Variants in SLC24A2 observed in about 807,000 individuals in gnomAD.
SLC24A2 encodes sodium/potassium/calcium exchanger 2.
SLC24A2 carries 36 observed loss-of-function variants against 62.0 expected under a neutral mutation model. That is an observed-to-expected ratio of 0.58 (90% CI 0.44 to 0.77). The LOEUF (loss-of-function observed/expected upper bound fraction) is 0.77, where lower values mean the gene tolerates loss of function less well. SLC24A2 is among the 30% of genes least tolerant of loss of function. The probability of loss-of-function intolerance (pLI) is 0.00; values close to 1 mark genes in which losing one functional copy is unlikely to be tolerated. For synonymous variants in SLC24A2, 358 were observed against 294.0 expected (o/e 1.22, Z -2.23); for missense variants, 846 against 817.9 (o/e 1.03, Z -0.42).
At position 19,697,543 on chromosome 9, in the gene SLC24A2, T is replaced by C. The variant is rs1004141788; in HGVS notation, c.931-75244A>G. 5.3e-5 allele frequency among the ~76,000 whole-genome samples: 8 copies of C among 152,232 alleles called. No homozygotes were observed. The South Asian group carries it at 1.0e-3, about 20-fold the overall frequency. ...CATAAAAAGTATCTGTTCTTTTTAATTGCATAAATAAGTGATACAAAAAAA... is the reference window on the plus strand; with the variant it reads ...CATAAAAAGTATCTGTTCTTTTTAACTGCATAAATAAGTGATACAAAAAAA... On this transcript the variant is annotated intron_variant, in intron 2 of 10. Coordinates refer to ENST00000341998, the MANE Select transcript of SLC24A2 (RefSeq NM_020344.4).
chr9:19,998,220 T>C, the SLC24A2 span, among the ~76,000 whole-genome samples: 1 of 152,082 alleles, frequency 6.6e-6, no homozygotes. Context: ...AGGGCTAGGA[T>C]TCAAACTCTG....
intron 2 of SLC24A2, among the ~76,000 whole-genome samples, chr9:19,731,937 A>C (rs987982576): frequency 6.6e-6 from 1 of 152,202 alleles, no homozygotes; most frequent in Non-Finnish European, 1.5e-5. Flanking sequence ...AGCAAATATT[A>C]TCTCTTTTGT....
the SLC24A2 span, among the ~76,000 whole-genome samples, chr9:20,281,824 G>A: frequency 1.3e-5 from 2 of 152,100 alleles, no homozygotes; most frequent in African/African-American, 4.8e-5. Flanking sequence ...AGAATAATCT[G>A]GGGAAAATTG....
chr9:20,307,289 G>A, the SLC24A2 span, among the ~76,000 whole-genome samples: 2 of 152,206 alleles, frequency 1.3e-5, no homozygotes, highest in South Asian at 4.1e-4. Flanking sequence ...TGAAGTGTTT[G>A]AGATATAGTA....
the SLC24A2 span, among the ~76,000 whole-genome samples, chr9:20,105,963 A>C: frequency 1.3e-5 from 2 of 152,248 alleles, no homozygotes; most frequent in African/African-American, 4.8e-5. Context: ...AGACTAATAA[A>C]GAAGAAAAGA....
chr9:19,945,342 A>T, the SLC24A2 span, among the ~76,000 whole-genome samples: 2 of 152,122 alleles, frequency 1.3e-5, no homozygotes, highest in African/African-American at 2.4e-5. Context: ...GAGAGAGAAC[A>T]TAAAAGATTG....
intron 2 of SLC24A2, among the ~76,000 whole-genome samples, chr9:19,675,536 T>C (rs1432695773): frequency 1.3e-5 from 2 of 152,114 alleles, no homozygotes; most frequent in Non-Finnish European, 2.9e-5. Context: ...TGCTGTGCTG[T>C]TGCAGAGGAT....
the SLC24A2 span, among the ~76,000 whole-genome samples, chr9:20,229,348 T>G: frequency 6.6e-6 from 1 of 152,166 alleles, no homozygotes; most frequent in Non-Finnish European, 1.5e-5. Context: ...GGTATGAATA[T>G]CTACCTCATC....
At position 19,690,949 on chromosome 9, in the gene SLC24A2, CAGAG is replaced by C. The variant is rs559695213; in HGVS notation, c.931-68654_931-68651del. Among the ~76,000 whole-genome samples, 290 of 150,896 alleles carry C rather than the reference CAGAG, an allele frequency of 1.9e-3. 2 individuals are homozygous for C. The highest frequency in any genetic ancestry group is 6.9e-3 in the African/African-American group (286 of 41,272). On this transcript the variant is annotated intron_variant, in intron 2 of 10. Transcript: ENST00000341998. ...AGAGAGAGAGAGACAGAGAGAGAGA[CAGAG>C]AGAGAATGTGTATTGGCAAAAGAAA...
chr9:19,909,644 T>C, the SLC24A2 span, among the ~76,000 whole-genome samples: 1 of 152,164 alleles, frequency 6.6e-6, no homozygotes, highest in African/African-American at 2.4e-5. Context: ...AACTCATCTC[T>C]ATGTTGACTT....
At chr9:19,761,061 T>TA (rs1230804859) in intron 2 of SLC24A2, among the ~76,000 whole-genome samples, 2 of 152,098 alleles carry the variant, frequency 1.3e-5, no homozygotes, top group African/African-American at 2.4e-5. Flanking sequence ...TAAAGTATAA[T>TA]AAAAAAATAA....
intron 2 of SLC24A2, among the ~76,000 whole-genome samples, chr9:19,649,019 A>AAC (rs56783784): frequency 6.7e-6 from 1 of 149,570 alleles, no homozygotes; most frequent in South Asian, 2.1e-4. Flanking sequence ...AAAAAAAAAA[A>AAC]CAAAAAACCC....
At chr9:20,258,895 T>TCCAA in the SLC24A2 span, among the ~76,000 whole-genome samples, 1 of 151,664 alleles carries the variant, frequency 6.6e-6, no homozygotes, top group South Asian at 2.1e-4. Context: ...CATCCATCCA[T>TCCAA]CCATGCTACA....
intron 2 of SLC24A2, among the ~76,000 whole-genome samples, chr9:19,645,361 T>C (rs901004775): frequency 2.0e-5 from 3 of 152,244 alleles, no homozygotes; most frequent in Non-Finnish European, 1.5e-5. Flanking sequence ...TTGCTCTGCA[T>C]ATAGTATGCT....
the SLC24A2 span, among the ~76,000 whole-genome samples, chr9:20,296,176 G>A: frequency 6.6e-6 from 1 of 152,168 alleles, no homozygotes; most frequent in African/African-American, 2.4e-5. Flanking sequence ...CAGATGGACG[G>A]CATATACTTA....
At chr9:19,909,887 G>C in the SLC24A2 span, among the ~76,000 whole-genome samples, 1 of 151,914 alleles carries the variant, frequency 6.6e-6, no homozygotes, top group African/African-American at 2.4e-5. Flanking sequence ...CCTTTGTTAT[G>C]GCCTTATTCC....
rs1817736822 is a variant in SLC24A2, at chr9:19,615,348, G to A, written c.1078+4236C>T. ...TGCTACAAGGAAGCTACTGACTGCAGCGTTCATGCCATCAACTTGGTGATG... is the reference window on the plus strand; with the variant it reads ...TGCTACAAGGAAGCTACTGACTGCAACGTTCATGCCATCAACTTGGTGATG... On this transcript the variant is annotated intron_variant, in intron 4 of 10. Transcript: ENST00000341998. 3.3e-5 allele frequency among the ~76,000 whole-genome samples: 5 copies of A among 152,232 alleles called. No individual in the cohort carries two copies. The South Asian group carries it at 1.0e-3, about 31-fold the overall frequency.
At chr9:20,102,526 G>A in the SLC24A2 span, among the ~76,000 whole-genome samples, 23 of 151,958 alleles carry the variant, frequency 1.5e-4, no homozygotes, top group Middle Eastern at 3.4e-3. Flanking sequence ...ACAGCATAAG[G>A]AGAAATACCT....
intron 2 of SLC24A2, among the ~76,000 whole-genome samples, chr9:19,731,151 A>G (rs944433969): frequency 2.0e-5 from 3 of 152,178 alleles, no homozygotes; most frequent in Non-Finnish European, 4.4e-5. Context: ...TCAAGCCCCA[A>G]ATAAACTTTA....
Sources: gnomAD v4.1 joint callset for allele counts (sites outside exome capture counted in the v4.1 genomes callset) on GRCh38, gnomAD v4.1.1 for gene constraint, MANE v1.5 for transcripts, NCBI Gene and HGNC (gene_info 2026-07-23, HGNC 2026-07-21) for gene names.